OPHN1: variants seen among roughly 807,000 people sequenced by gnomAD.
The protein encoded by OPHN1 is oligophrenin-1.
OPHN1 carries 11 observed loss-of-function variants against 60.7 expected under a neutral mutation model. The observed-to-expected ratio is 0.18, with a 90% CI of 0.11 to 0.30. The LOEUF (loss-of-function observed/expected upper bound fraction) is 0.30. Among genes scored for constraint, OPHN1 ranks in the 10% least tolerant of loss-of-function variants. OPHN1 has a pLI of 1.00. For missense variants in OPHN1, 449 were observed against 611.0 expected, an observed-to-expected ratio of 0.73 and a Z score of 2.80; for synonymous variants, 226 against 222.6, an observed-to-expected ratio of 1.02 and a Z score of -0.14.
At chrX:68,241,259 T>G (rs1024900765) in intron 5 of OPHN1, among the ~76,000 whole-genome samples, 2 of 112,201 alleles carry the variant, frequency 1.8e-5, no homozygotes, top group Non-Finnish European at 3.8e-5. Flanking sequence ...CACTTATTTT[T>G]CCTGGGCAAT....
Position 68,064,056 on chromosome X carries a change from G to T in OPHN1, c.1956C>A (p.Ser652=). ...RSGETDPGRK[S]PSRPILDGKL... ...TGCCATCCAAAATAGGCCTGCTTGG[G>T]GACTTCCTCCCAGGATCAGTTTCCC... is the stretch of plus-strand genomic sequence containing the variant. Residue 652 remains serine (S), a synonymous_variant, in exon 21 of 25, where the codon TCC becomes TCA. Coordinates refer to ENST00000355520, the MANE Select transcript of OPHN1 (RefSeq NM_002547.3). 2 of 1,210,337 alleles carry T rather than the reference G, an allele frequency of 1.7e-6. No homozygotes were observed. Among genetic ancestry groups the T allele is most frequent in the Non-Finnish European group, 2.2e-6 (2 of 895,104 alleles).
chrX:68,232,081 C>T (rs1273393578), intron 6 of OPHN1, among the ~76,000 whole-genome samples: 4 of 111,320 alleles, frequency 3.6e-5, no homozygotes, highest in African/African-American at 9.8e-5. Flanking sequence ...TTGAAAGTGA[C>T]TAACTCAAGA....
intron 2 of OPHN1, among the ~76,000 whole-genome samples, chrX:68,317,323 G>T (rs1392508975): frequency 1.4e-4 from 7 of 51,229 alleles, no homozygotes; most frequent in African/African-American, 5.5e-4. Context: ...AAAAGAAGAA[G>T]AAGAAAGAAA....
intron 15 of OPHN1, among the ~76,000 whole-genome samples, chrX:68,123,587 A>G (rs192837349): frequency 1.6e-3 from 178 of 112,116 alleles, no homozygotes; most frequent in Middle Eastern, 4.7e-3. Flanking sequence ...GTGGGCAGAA[A>G]AAATTATGGT....
chrX:68,059,767 G>A (rs1171691047), intron 21 of OPHN1, among the ~76,000 whole-genome samples: 1 of 111,306 alleles, frequency 9.0e-6, no homozygotes, highest in African/African-American at 3.3e-5. Context: ...AGCCAAGACA[G>A]AGGAAAGGAG....
At chrX:68,274,707 A>T (rs887033105) in intron 5 of OPHN1, 31 bp downstream of exon 5, 3 of 1,045,763 alleles carry the variant, frequency 2.9e-6, no homozygotes, top group African/African-American at 1.9e-5. Flanking sequence ...TTGCTATTTT[A>T]AAAAATCTTA....
chrX:68,269,530 G>C (rs1310665300), intron 5 of OPHN1, among the ~76,000 whole-genome samples: 4 of 111,692 alleles, frequency 3.6e-5, no homozygotes, highest in Non-Finnish European at 5.7e-5. Context: ...AAACTGGCTA[G>C]CCATATGTAG....
At chrX:68,215,416 CA>C (rs1569245434) in intron 6 of OPHN1, among the ~76,000 whole-genome samples, 1 of 111,289 alleles carries the variant, frequency 9.0e-6, no homozygotes, top group Non-Finnish European at 1.9e-5. Context: ...ATACTTCAAG[CA>C]ATAATGACTG....
chrX:68,119,151 C>T (rs1312583263), intron 16 of OPHN1, 97 bp downstream of exon 16: 3 of 606,798 alleles, frequency 4.9e-6, no homozygotes, highest in Non-Finnish European at 8.4e-6. Flanking sequence ...GCAATTCTAT[C>T]CAAACTCCTG....
At chrX:68,321,216 C>G (rs1283064218) in intron 2 of OPHN1, among the ~76,000 whole-genome samples, 4 of 111,717 alleles carry the variant, frequency 3.6e-5, no homozygotes, top group Non-Finnish European at 3.8e-5. Context: ...TGACCACCCC[C>G]TATCGTGACG....
chrX:68,417,164 C>T (rs1271994345), intron 2 of OPHN1, among the ~76,000 whole-genome samples: 1 of 111,086 alleles, frequency 9.0e-6, no homozygotes, highest in African/African-American at 3.3e-5. Flanking sequence ...GGCGCGATCT[C>T]GGCTCACTGC....
intron 15 of OPHN1, among the ~76,000 whole-genome samples, chrX:68,183,734 T>A (rs866203275): frequency 8.9e-6 from 1 of 112,540 alleles, no homozygotes; most frequent in Non-Finnish European, 1.9e-5. Context: ...TAAAGCTACC[T>A]CTTTGAGAAT....
intron 15 of OPHN1, among the ~76,000 whole-genome samples, chrX:68,134,913 G>C (rs1455700935): frequency 1.8e-5 from 2 of 111,171 alleles, no homozygotes; most frequent in Non-Finnish European, 3.8e-5. Context: ...TTTTGAGCAG[G>C]TAGAAGTATA....
At chrX:68,331,005 G>A (rs2078291806) in intron 2 of OPHN1, among the ~76,000 whole-genome samples, 1 of 103,140 alleles carries the variant, frequency 9.7e-6, no homozygotes, top group South Asian at 4.0e-4. Context: ...AACAACAAAT[G>A]TATACATCTA....
intron 2 of OPHN1, among the ~76,000 whole-genome samples, chrX:68,355,737 G>T (rs1010151953): frequency 8.9e-6 from 1 of 112,009 alleles, no homozygotes; most frequent in Non-Finnish European, 1.9e-5. Context: ...CCTATTCACA[G>T]GATAAAAATA....
At chrX:68,119,098 G>T in intron 16 of OPHN1, 150 bp downstream of exon 16, 1 of 465,569 alleles carries the variant, frequency 2.1e-6, no homozygotes, top group Non-Finnish European at 3.9e-6. Flanking sequence ...AACAGTCTTT[G>T]CACATTCTTG....
chrX:68,401,502 C>A (rs182925769), intron 2 of OPHN1, among the ~76,000 whole-genome samples: 1 of 112,126 alleles, frequency 8.9e-6, no homozygotes, highest in Non-Finnish European at 1.9e-5. Flanking sequence ...TGTACAGTAA[C>A]GCAATTGTAC....
chrX:68,415,662 A>C (rs1196207043), intron 2 of OPHN1, among the ~76,000 whole-genome samples: 1 of 111,900 alleles, frequency 8.9e-6, no homozygotes, highest in Non-Finnish European at 1.9e-5. Flanking sequence ...TTTCTCTGCC[A>C]ACGGAGCTTC....
chrX:68,087,717 AC>A (rs1172380579), intron 19 of OPHN1, among the ~76,000 whole-genome samples: 3 of 111,798 alleles, frequency 2.7e-5, no homozygotes, highest in African/African-American at 9.7e-5. Flanking sequence ...AAGCTACAAG[AC>A]TTGGCCCTGA....
Sources: gnomAD v4.1 joint callset for allele counts (sites outside exome capture counted in the v4.1 genomes callset) on GRCh38, gnomAD v4.1.1 for gene constraint, MANE v1.5 for transcripts, NCBI Gene and HGNC (gene_info 2026-07-23, HGNC 2026-07-21) for gene names.